RAD23B: variants seen among roughly 807,000 people sequenced by gnomAD.
RAD23B encodes the protein lysine-specific demethylase RAD23B.
RAD23B carries 5 observed loss-of-function variants against 49.1 expected under a neutral mutation model. The observed-to-expected ratio is 0.10, with a 90% CI of 0.05 to 0.21. RAD23B has a LOEUF of 0.21. Ranked by LOEUF, RAD23B falls within the 10% of genes least tolerant of loss-of-function variation. The pLI, the probability that RAD23B is intolerant of heterozygous loss-of-function variation, is 1.00. For missense variants in RAD23B, 356 were observed against 486.7 expected, an observed-to-expected ratio of 0.73 and a Z score of 2.53; for synonymous variants, 184 against 165.4, an observed-to-expected ratio of 1.11 and a Z score of -0.86.
rs1827317476 is a variant in RAD23B at position 107,331,923 on chromosome 9, GTT to G, written c.*2270_*2271del. The G allele has an allele frequency of 6.4e-6, 3 of 470,086 alleles. No homozygotes were observed. Among genetic ancestry groups the G allele is most frequent in the African/African-American group, 5.9e-5 (3 of 50,904 alleles). The allele number at this position is 470,086 out of a possible 1,614,324, so 29.1% of individuals were successfully genotyped here. A position where few individuals can be genotyped will look rare whatever the true frequency, so the allele number is the denominator to read the frequency against. On this transcript the variant is annotated 3_prime_UTR_variant, in exon 10 of 10. Coordinates refer to ENST00000358015, the MANE Select transcript of RAD23B (RefSeq NM_002874.5). Reference sequence around the variant, plus strand: ...GCTGTTAATGTTTAATTTACAAACTGTTTTGGTAAATCTCTTAATGTAAGTAG... The same window carrying G: ...GCTGTTAATGTTTAATTTACAAACTGTTGGTAAATCTCTTAATGTAAGTAG...
At chr9:107,284,892 G>A (rs1364018996) in intron 1 of RAD23B, 2 of 1,275,784 alleles carry the variant, frequency 1.6e-6, no homozygotes, top group Admixed American at 4.6e-5. Flanking sequence ...TACCTGCCTT[G>A]CAGAGATGTG....
chr9:107,286,475 G>T (rs772088008), intron 1 of RAD23B, among the ~76,000 whole-genome samples: 2 of 152,178 alleles, frequency 1.3e-5, no homozygotes, highest in Non-Finnish European at 2.9e-5. Flanking sequence ...TAGGCATTTT[G>T]TACCATTTAC....
intron 1 of RAD23B, among the ~76,000 whole-genome samples, chr9:107,289,164 C>T (rs1314932130): frequency 6.8e-6 from 1 of 146,360 alleles, no homozygotes; most frequent in Non-Finnish European, 1.5e-5. Context: ...TCCTCCCTTC[C>T]TTCCCCACTC....
chr9:107,304,690 C>A (rs1241930943), intron 3 of RAD23B, among the ~76,000 whole-genome samples: 2 of 152,112 alleles, frequency 1.3e-5, no homozygotes, highest in African/African-American at 4.8e-5. Flanking sequence ...AAACAGCTAC[C>A]TTTTGTCCTT....
At chr9:107,287,844 A>AC (rs953359229) in intron 1 of RAD23B, among the ~76,000 whole-genome samples, 3 of 150,964 alleles carry the variant, frequency 2.0e-5, no homozygotes, top group Non-Finnish European at 4.5e-5. Flanking sequence ...CAAAAAAAAA[A>AC]AAAAAACAAA....
intron 3 of RAD23B, among the ~76,000 whole-genome samples, chr9:107,302,913 C>T (rs553920335): frequency 1.1e-3 from 166 of 152,232 alleles, no homozygotes; most frequent in African/African-American, 3.7e-3. Context: ...GCCTCGGCCT[C>T]CCAAAGTGCT....
intron 1 of RAD23B, among the ~76,000 whole-genome samples, chr9:107,292,088 A>G (rs578061741): frequency 6.6e-6 from 1 of 152,364 alleles, no homozygotes; most frequent in East Asian, 1.9e-4. Flanking sequence ...CACATAATAC[A>G]TGAACACAAC....
At chr9:107,290,007 A>G (rs1039913196) in intron 1 of RAD23B, among the ~76,000 whole-genome samples, 1 of 152,176 alleles carries the variant, frequency 6.6e-6, no homozygotes, top group Non-Finnish European at 1.5e-5. Context: ...CACACTAAGG[A>G]ACCTTAATTG....
chr9:107,306,984 G>T (rs1826793803), intron 4 of RAD23B, among the ~76,000 whole-genome samples: 1 of 151,874 alleles, frequency 6.6e-6, no homozygotes, highest in Non-Finnish European at 1.5e-5. Context: ...TCATGACATT[G>T]CCACCCTGAT....
intron 1 of RAD23B, among the ~76,000 whole-genome samples, chr9:107,288,170 T>A (rs546623033): frequency 6.6e-6 from 1 of 152,300 alleles, no homozygotes; most frequent in East Asian, 1.9e-4. Flanking sequence ...AGGCATTTAG[T>A]AAAGATCTTT....
At chr9:107,328,566 C>G (rs374355415) in intron 9 of RAD23B, among the ~76,000 whole-genome samples, 1 of 150,234 alleles carries the variant, frequency 6.7e-6, no homozygotes, top group African/African-American at 2.4e-5. Context: ...GCCACTGATA[C>G]AACAGGAGAC....
At chr9:107,287,074 C>CAAAAAAAA (rs1227654857) in intron 1 of RAD23B, among the ~76,000 whole-genome samples, 5 of 94,242 alleles carry the variant, frequency 5.3e-5, no homozygotes, top group African/African-American at 1.9e-4. Context: ...GACTCCGTCT[C>CAAAAAAAA]AAAAAAAAAA....
At chr9:107,299,014 T>C (rs1193854474) in intron 1 of RAD23B, among the ~76,000 whole-genome samples, 1 of 152,166 alleles carries the variant, frequency 6.6e-6, no homozygotes, top group Non-Finnish European at 1.5e-5. Context: ...ATTTGCAAAA[T>C]ACTCTGCTTG....
At chr9:107,295,222 G>A (rs1190296045) in intron 1 of RAD23B, among the ~76,000 whole-genome samples, 1 of 151,892 alleles carries the variant, frequency 6.6e-6, no homozygotes, top group Non-Finnish European at 1.5e-5. Flanking sequence ...GTGTATTTAA[G>A]TTTTTGAAGA....
At chr9:107,324,198 G>A (rs1289445927) in intron 8 of RAD23B, among the ~76,000 whole-genome samples, 181 bp downstream of exon 8, 1 of 152,232 alleles carries the variant, frequency 6.6e-6, no homozygotes, top group African/African-American at 2.4e-5. Context: ...TTGGGATATG[G>A]AGGTTGGGTT....
chr9:107,295,863 C>T (rs1016737706), intron 1 of RAD23B, among the ~76,000 whole-genome samples: 4 of 152,068 alleles, frequency 2.6e-5, no homozygotes, highest in Non-Finnish European at 4.4e-5. Flanking sequence ...GGTCCAAATA[C>T]AGAATTTTGT....
chr9:107,314,636 G>A (rs1321184670), intron 5 of RAD23B, among the ~76,000 whole-genome samples: 1 of 152,178 alleles, frequency 6.6e-6, no homozygotes, highest in Non-Finnish European at 1.5e-5. Flanking sequence ...TAACATACAA[G>A]TGCAGGTATC....
At chr9:107,294,329 A>T (rs1833445597) in intron 1 of RAD23B, among the ~76,000 whole-genome samples, 1 of 152,208 alleles carries the variant, frequency 6.6e-6, no homozygotes, top group Non-Finnish European at 1.5e-5. Flanking sequence ...AGTGGAATTG[A>T]TGATAAACCA....
At chr9:107,296,413 G>A (rs1361732954) in intron 1 of RAD23B, among the ~76,000 whole-genome samples, 1 of 152,146 alleles carries the variant, frequency 6.6e-6, no homozygotes, top group Non-Finnish European at 1.5e-5. Context: ...TAGTCTATTG[G>A]ATTAATAACA....
Sources: allele counts gnomAD v4.1 joint callset (sites outside exome capture counted in the v4.1 genomes callset), GRCh38; gene constraint gnomAD v4.1.1; transcripts MANE v1.5; gene names NCBI Gene and HGNC (gene_info 2026-07-23, HGNC 2026-07-21).